Variants in SMIM8 observed in about 807,000 individuals in gnomAD.
SMIM8 encodes the protein small integral membrane protein 8, also known as UPF0708 protein C6orf162.
In SMIM8, 8 loss-of-function variants were observed where a neutral mutation model predicts 8.1. The observed-to-expected ratio is 0.99, with a 90% CI of 0.58 to 1.78. The LOEUF is 1.78. Among genes scored for constraint, SMIM8 ranks in the 40% most tolerant of loss-of-function variants. SMIM8 has a pLI of 0.00. For synonymous variants in SMIM8, 45 were observed against 39.7 expected (o/e 1.13, Z -0.50); for missense variants, 126 against 119.8 (o/e 1.05, Z -0.24).
In SMIM8 at chr6:87,341,534, T is replaced by G; in HGVS notation, c.*1260T>G. On this transcript the variant is annotated 3_prime_UTR_variant, in exon 4 of 4. Coordinates refer to ENST00000392863, the MANE Select transcript of SMIM8 (RefSeq NM_001042493.3). ...CCAAATCATTGTCATTGGGCCTCAG[T>G]AGTAAATCTTACCTCTGAAGTCTTG... is the stretch of plus-strand genomic sequence containing the variant. 1 of 376,004 alleles carries G rather than the reference T, an allele frequency of 2.7e-6. No individual in the cohort carries two copies. Among genetic ancestry groups the G allele is most frequent in the Admixed American group, 4.5e-5 (1 of 22,076 alleles). 23.3% of individuals were successfully genotyped at this position (376,004 alleles called of 1,614,324 possible). A position where few individuals can be genotyped will look rare whatever the true frequency, so the allele number is the denominator to read the frequency against.
At chr6:87,331,403 A>G (rs1388887209) in intron 2 of SMIM8, among the ~76,000 whole-genome samples, 5 of 152,228 alleles carry the variant, frequency 3.3e-5, no homozygotes, top group Admixed American at 1.3e-4. Context: ...CAGGATTAAA[A>G]GTTTACTTGT....
intron 1 of SMIM8, among the ~76,000 whole-genome samples, chr6:87,328,110 T>A (rs1377947666): frequency 3.3e-5 from 5 of 152,324 alleles, no homozygotes; most frequent in African/African-American, 1.2e-4. Flanking sequence ...CTCCATCAGC[T>A]CCTTTAAGCA....
At chr6:87,328,778 A>G (rs1425161795) in intron 1 of SMIM8, among the ~76,000 whole-genome samples, 1 of 152,168 alleles carries the variant, frequency 6.6e-6, no homozygotes, top group Non-Finnish European at 1.5e-5. Flanking sequence ...GGTGGGCTCC[A>G]CCCAGTTCGA....
intron 2 of SMIM8, among the ~76,000 whole-genome samples, chr6:87,334,063 T>C (rs538143556): frequency 1.3e-5 from 2 of 152,172 alleles, no homozygotes; most frequent in African/African-American, 4.8e-5. Flanking sequence ...GGGGAAGAAG[T>C]GTCACACTTA....
Position 87,341,201 on chromosome 6 carries a change from G to A in SMIM8, c.*927G>A. 2.5e-6 allele frequency: 1 copy of A among 398,316 alleles called. No individual in the cohort carries two copies. Among genetic ancestry groups the A allele is most frequent in the Non-Finnish European group, 4.4e-6 (1 of 225,922 alleles). 24.7% of individuals were successfully genotyped at this position (398,316 alleles called of 1,614,324 possible). A position where few individuals can be genotyped will look rare whatever the true frequency, so the allele number is the denominator to read the frequency against. On this transcript the variant is annotated 3_prime_UTR_variant, in exon 4 of 4. Transcript: ENST00000392863. ...TCTTTTGAAGTTTATATGCCAGCAGGCCTTTTTGTTTTTTTCCTTTTCAGA... is the reference window on the plus strand; with the variant it reads ...TCTTTTGAAGTTTATATGCCAGCAGACCTTTTTGTTTTTTTCCTTTTCAGA...
At chr6:87,338,794 C>T (rs181905451) in intron 3 of SMIM8, among the ~76,000 whole-genome samples, 1 of 151,810 alleles carries the variant, frequency 6.6e-6, no homozygotes, top group Admixed American at 6.6e-5. Flanking sequence ...AAGACCAACT[C>T]GTTGAGTGTG....
intron 1 of SMIM8, among the ~76,000 whole-genome samples, chr6:87,329,814 G>A (rs548898668): frequency 6.6e-6 from 1 of 152,110 alleles, no homozygotes; most frequent in Non-Finnish European, 1.5e-5. Flanking sequence ...ACATCTCCTT[G>A]GGTCTGGGTT....
At position 87,330,681 on chromosome 6, in the gene SMIM8, T is replaced by G. The variant is rs448580; in HGVS notation, c.-44-11T>G. ...GCTTCTTCCTTTTTCCATTGCACGC[T>G]TCCGTCACAGGAGGATGGACAGAAG... On this transcript the variant is annotated splice_polypyrimidine_tract_variant and intron_variant, in intron 1 of 3. Transcript: ENST00000392863. 0.39 allele frequency: 59,115 copies of G among 151,896 alleles called. 12,668 individuals are homozygous for G. Among genetic ancestry groups the G allele is most frequent in the Non-Finnish European group, 0.48 (32,760 of 67,922 alleles). 9.4% of individuals were successfully genotyped at this position (151,896 alleles called of 1,614,324 possible).
intron 2 of SMIM8, among the ~76,000 whole-genome samples, chr6:87,331,946 T>C (rs777243861): frequency 2.0e-5 from 3 of 152,188 alleles, no homozygotes; most frequent in Non-Finnish European, 4.4e-5. Flanking sequence ...AAAATATACA[T>C]GTGAGTTTCC....
chr6:87,335,925 G>A (rs1777105899), intron 2 of SMIM8, among the ~76,000 whole-genome samples: 1 of 150,862 alleles, frequency 6.6e-6, no homozygotes, highest in African/African-American at 2.4e-5. Context: ...GAGGTGGGAG[G>A]ATCACTTGAG....
chr6:87,329,709 C>T lies in SMIM8; in HGVS notation c.-44-983C>T, dbSNP rs149594563. 1.5e-4 allele frequency among the ~76,000 whole-genome samples: 23 copies of T among 152,038 alleles called. No homozygotes were observed. The East Asian group carries it at 4.3e-3, about 28-fold the overall frequency. On this transcript the variant is annotated intron_variant, in intron 1 of 3. Transcript: ENST00000392863. The stretch of plus-strand genomic sequence containing the variant: ...AAATATTGTAATATACATGCAAAGG[C>T]CTTTTATCAATTCAAGAGTAAGATG...
chr6:87,330,591 A>G (rs1403015168), intron 1 of SMIM8, 101 bp from the exon 2 acceptor site: 2 of 152,196 alleles, frequency 1.3e-5, no homozygotes, highest in African/African-American at 4.8e-5. Flanking sequence ...GGGGCTTACT[A>G]TTCTTACACT....
At position 87,341,125 on chromosome 6, in the gene SMIM8, A is replaced by G. The variant is rs905673646; in HGVS notation, c.*851A>G. The G allele has an allele frequency of 7.6e-6, 3 of 394,596 alleles. No individual in the cohort carries two copies. Among genetic ancestry groups the G allele is most frequent in the African/African-American group, 2.1e-5 (1 of 48,562 alleles). 24.4% of individuals were successfully genotyped at this position (394,596 alleles called of 1,614,324 possible). A position where few individuals can be genotyped will look rare whatever the true frequency, so the allele number is the denominator to read the frequency against. On this transcript the variant is annotated 3_prime_UTR_variant, in exon 4 of 4. Coordinates refer to ENST00000392863, the MANE Select transcript of SMIM8 (RefSeq NM_001042493.3). ...TTCTTATAGTTATTTAAAAACTACA[A>G]CTACTCAATGGATAAGGAATAGATA...
chr6:87,330,969 T>G (rs1350158051), intron 2 of SMIM8: 1 of 152,214 alleles, frequency 6.6e-6, no homozygotes, highest in East Asian at 1.9e-4. Flanking sequence ...GCACACAAAT[T>G]AATCACAAAA....
chr6:87,327,490 A>C (rs1476948278), intron 1 of SMIM8, among the ~76,000 whole-genome samples: 1 of 151,084 alleles, frequency 6.6e-6, no homozygotes, highest in Non-Finnish European at 1.5e-5. Context: ...TCTGTAAAGT[A>C]TTTTATTTCT....
At position 87,341,018 on chromosome 6, in the gene SMIM8, G is replaced by T; in HGVS notation, c.*744G>T. 1 of 318,944 alleles carries T rather than the reference G, an allele frequency of 3.1e-6. No homozygotes were observed. The allele number at this position is 318,944 out of a possible 1,614,324, so 19.8% of individuals were successfully genotyped here. The stretch of plus-strand genomic sequence containing the variant: ...AAATGTTATCTATTTTAGTGTTTAT[G>T]TTAATTAATGTTAATTAATTTTGTT... On this transcript the variant is annotated 3_prime_UTR_variant, in exon 4 of 4. Coordinates refer to ENST00000392863, the MANE Select transcript of SMIM8 (RefSeq NM_001042493.3).
At chr6:87,334,588 G>A (rs1398319618) in intron 2 of SMIM8, among the ~76,000 whole-genome samples, 1 of 152,114 alleles carries the variant, frequency 6.6e-6, no homozygotes, top group Non-Finnish European at 1.5e-5. Context: ...ACAGGTGTGA[G>A]CCACCCCGCC....
Position 87,342,193 on chromosome 6 carries a change from G to A in SMIM8, c.*1919G>A. ...ACCTGACTATGATACTTTTTACAGA[G>A]TGACTACAAGTTGTAGGACAGTCTT... On this transcript the variant is annotated 3_prime_UTR_variant, in exon 4 of 4. Coordinates refer to ENST00000392863, the MANE Select transcript of SMIM8 (RefSeq NM_001042493.3). The A allele has an allele frequency of 6.6e-6, 1 of 152,230 alleles. No homozygotes were observed. Among genetic ancestry groups the A allele is most frequent in the Non-Finnish European group, 1.5e-5 (1 of 68,046 alleles). 9.4% of individuals were successfully genotyped at this position (152,230 alleles called of 1,614,324 possible).
At position 87,333,421 on chromosome 6, in the gene SMIM8, C is replaced by CA. The variant is rs535920325; in HGVS notation, c.-24+2712dup. ...AAACTATAGCACCCACGTTTATAGT[C>CA]AAACAAGTTTTTAGCACAGGGAGAA... On this transcript the variant is annotated intron_variant, in intron 2 of 3. Coordinates refer to ENST00000392863, the MANE Select transcript of SMIM8 (RefSeq NM_001042493.3). Among the ~76,000 whole-genome samples, 416 of 152,308 alleles carry CA rather than the reference C, an allele frequency of 2.7e-3. 1 individual carries two copies. Among genetic ancestry groups the CA allele is most frequent in the African/African-American group, 9.5e-3 (395 of 41,558 alleles).
Sources: gnomAD v4.1 joint callset for allele counts (sites outside exome capture counted in the v4.1 genomes callset) on GRCh38, gnomAD v4.1.1 for gene constraint, MANE v1.5 for transcripts, NCBI Gene and HGNC (gene_info 2026-07-23, HGNC 2026-07-21) for gene names.